STAG1: variants seen among roughly 807,000 people sequenced by gnomAD.
STAG1 encodes the protein STAG1 cohesin complex component, also known as cohesin subunit SA-1.
STAG1 carries 26 observed loss-of-function variants against 170.9 expected under a neutral mutation model. The observed-to-expected ratio is 0.15, with a 90% CI of 0.11 to 0.21. The LOEUF (loss-of-function observed/expected upper bound fraction) is 0.21, where lower values mean the gene tolerates loss of function less well. Ranked by LOEUF, STAG1 falls within the 10% of genes least tolerant of loss-of-function variation. The pLI is 1.00. For synonymous variants in STAG1, 514 were observed against 497.7 expected, an observed-to-expected ratio of 1.03 and a Z score of -0.44; for missense variants, 964 against 1,509.5, an observed-to-expected ratio of 0.64 and a Z score of 5.99.
intron 14 of STAG1, among the ~76,000 whole-genome samples, chr3:136,447,991 G>A (rs75636443): frequency 3.3e-5 from 5 of 152,084 alleles, no homozygotes; most frequent in East Asian, 3.9e-4. Context: ...ATTCAAGTAC[G>A]ACTTATCCAA....
At chr3:136,669,132 T>C (rs1390921832) in intron 1 of STAG1, among the ~76,000 whole-genome samples, 2 of 152,180 alleles carry the variant, frequency 1.3e-5, no homozygotes, top group Non-Finnish European at 2.9e-5. Context: ...AAAGTTGCAA[T>C]GCTAGTAACA....
intron 4 of STAG1, among the ~76,000 whole-genome samples, chr3:136,578,074 G>A (rs150121848): frequency 1.3e-5 from 2 of 152,222 alleles, no homozygotes; most frequent in East Asian, 1.9e-4. Context: ...AGAGGGCCCA[G>A]AGGCAATGAA....
intron 6 of STAG1, among the ~76,000 whole-genome samples, chr3:136,541,538 T>TCACACACA (rs59155124): frequency 0.032 from 3,905 of 123,130 alleles, 76 homozygotes; most frequent in Middle Eastern, 0.038. Flanking sequence ...AGCTTAACAT[T>TCACACACA]CACACACACA....
chr3:136,378,146 A>G (rs1004779109), intron 22 of STAG1, among the ~76,000 whole-genome samples: 8 of 152,230 alleles, frequency 5.3e-5, no homozygotes, highest in African/African-American at 1.9e-4. Flanking sequence ...AATTTATCTT[A>G]TATCTCAGCA....
chr3:136,577,892 C>T (rs539289416), intron 4 of STAG1, among the ~76,000 whole-genome samples: 1 of 152,154 alleles, frequency 6.6e-6, no homozygotes, highest in African/African-American at 2.4e-5. Flanking sequence ...TAGTTCCTGT[C>T]GCTGAAAGTG....
intron 12 of STAG1, among the ~76,000 whole-genome samples, chr3:136,469,221 A>G (rs1467175866): frequency 1.3e-5 from 2 of 152,156 alleles, no homozygotes; most frequent in Admixed American, 6.6e-5. Context: ...ACAGGATTGT[A>G]TATTTAGAAA....
chr3:136,342,941 A>G (rs1378690638), intron 30 of STAG1, among the ~76,000 whole-genome samples: 1 of 152,206 alleles, frequency 6.6e-6, no homozygotes, highest in East Asian at 1.9e-4. Flanking sequence ...CTTCTAGGAT[A>G]CTTGGCAGCA....
At chr3:136,477,457 T>C (rs764958715) in intron 9 of STAG1, 45 bp from the exon 10 acceptor site, 3 of 1,512,432 alleles carry the variant, frequency 2.0e-6, no homozygotes, top group East Asian at 2.3e-5. Flanking sequence ...TATACAAAGC[T>C]AGAATGCATT....
At chr3:136,703,124 T>C (rs1040819411) in intron 1 of STAG1, among the ~76,000 whole-genome samples, 2 of 148,472 alleles carry the variant, frequency 1.3e-5, no homozygotes, top group Admixed American at 1.3e-4. Context: ...GATGGCCAAG[T>C]TAAGAAGCTC....
intron 6 of STAG1, among the ~76,000 whole-genome samples, chr3:136,525,922 A>C (rs1030044234): frequency 1.1e-4 from 16 of 152,168 alleles, no homozygotes; most frequent in African/African-American, 3.9e-4. Flanking sequence ...GAGTTTCTTA[A>C]TCCTGAGTTC....
At chr3:136,610,173 A>T (rs1260225321) in intron 3 of STAG1, among the ~76,000 whole-genome samples, 1 of 152,042 alleles carries the variant, frequency 6.6e-6, no homozygotes, top group East Asian at 1.9e-4. Flanking sequence ...AGTAGCTGGG[A>T]CTACAGGTGC....
chr3:136,487,293 T>C (rs2090037254), intron 9 of STAG1, among the ~76,000 whole-genome samples: 1 of 152,212 alleles, frequency 6.6e-6, no homozygotes, highest in Non-Finnish European at 1.5e-5. Context: ...TCCATGTCCT[T>C]GGAAAAGACA....
At chr3:136,488,345 A>C (rs1576522368) in intron 9 of STAG1, among the ~76,000 whole-genome samples, 1 of 151,296 alleles carries the variant, frequency 6.6e-6, no homozygotes, top group Non-Finnish European at 1.5e-5. Context: ...CTGGTCTTGA[A>C]CTCCTGACCT....
At position 136,523,456 on chromosome 3, in the gene STAG1, C is replaced by G. The variant is rs569136257; in HGVS notation, c.472-2039G>C. ...AATTTGTTTGAATTCTTTGTAGATT[C>G]TGGATATTAGCCTTTTGTCAGATGA... is the stretch of plus-strand genomic sequence containing the variant. On this transcript the variant is annotated intron_variant, in intron 6 of 33. Transcript: ENST00000383202. Among the ~76,000 whole-genome samples, 3 of 152,206 alleles carry G rather than the reference C, an allele frequency of 2.0e-5. No homozygotes were observed. In the East Asian group the frequency reaches 5.8e-4, roughly 29 times the overall value.
chr3:136,721,524 G>T (rs1933266830), intron 1 of STAG1: 1 of 152,150 alleles, frequency 6.6e-6, no homozygotes, highest in Admixed American at 6.5e-5. Context: ...CAAAAGAAAT[G>T]AAATAAATTG....
At chr3:136,360,309 CTTGTG>C (rs1560057150) in intron 26 of STAG1, among the ~76,000 whole-genome samples, 2 of 152,154 alleles carry the variant, frequency 1.3e-5, no homozygotes. Context: ...TAGTTTTGCT[CTTGTG>C]TTTACTGCTC....
At chr3:136,560,700 C>G (rs1936804793) in intron 5 of STAG1, among the ~76,000 whole-genome samples, 1 of 152,152 alleles carries the variant, frequency 6.6e-6, no homozygotes. Flanking sequence ...GACGTTTCAG[C>G]AGAGTTAGAA....
rs1246306861 is a variant in STAG1 at position 136,473,457 on chromosome 3, T to A, written c.1125+82A>T. 3.9e-6 allele frequency: 4 copies of A among 1,038,242 alleles called. No homozygotes were observed. In the East Asian group the frequency reaches 7.4e-5, roughly 19 times the overall value. 64.3% of individuals were successfully genotyped at this position (1,038,242 alleles called of 1,614,324 possible). A position where few individuals can be genotyped will look rare whatever the true frequency, so the allele number is the denominator to read the frequency against. ...AAAGAATATGAACTAAACACTTGTATGATAATGTAATTTGCTAAACTAGCT... is the reference window on the plus strand; with the variant it reads ...AAAGAATATGAACTAAACACTTGTAAGATAATGTAATTTGCTAAACTAGCT... On this transcript the variant is annotated intron_variant, in intron 11 of 33. Transcript: ENST00000383202.
intron 6 of STAG1, among the ~76,000 whole-genome samples, chr3:136,523,261 C>G (rs981756227): frequency 6.6e-6 from 1 of 152,178 alleles, no homozygotes; most frequent in African/African-American, 2.4e-5. Context: ...GATTGCCATT[C>G]TAACTGGTGT....
Sources: gnomAD v4.1 joint callset for allele counts (sites outside exome capture counted in the v4.1 genomes callset) on GRCh38, gnomAD v4.1.1 for gene constraint, MANE v1.5 for transcripts, NCBI Gene and HGNC (gene_info 2026-07-23, HGNC 2026-07-21) for gene names.